PLD1: variants seen among roughly 807,000 people sequenced by gnomAD.
The protein encoded by PLD1 is phospholipase D1.
Under a neutral mutation model 137.1 loss-of-function variants are expected in PLD1, and 112 were observed. The ratio of observed to expected loss-of-function variants is 0.82; its 90% CI spans 0.70 to 0.96. PLD1 has a LOEUF of 0.96. Among genes scored for constraint, PLD1 ranks in the 40% least tolerant of loss-of-function variants. The pLI is 0.00. For missense variants in PLD1, 1,321 were observed against 1,342.0 expected (o/e 0.98, Z 0.24); for synonymous variants, 431 against 454.7 (o/e 0.95, Z 0.66).
At chr3:171,783,133 A>G (rs1481518688) in intron 1 of PLD1, among the ~76,000 whole-genome samples, 1 of 152,146 alleles carries the variant, frequency 6.6e-6, no homozygotes, top group African/African-American at 2.4e-5. Flanking sequence ...GTTTGAGGAA[A>G]GAAACAAAGG....
chr3:171,787,196 C>T (rs1023619232), intron 1 of PLD1, among the ~76,000 whole-genome samples: 1 of 152,144 alleles, frequency 6.6e-6, no homozygotes, highest in African/African-American at 2.4e-5. Flanking sequence ...CCCTCTGTCT[C>T]TCAGGCTACA....
chr3:171,654,768 T>A lies in PLD1; in HGVS notation c.2429+4445A>T, dbSNP rs543570672. On this transcript the variant is annotated intron_variant, in intron 21 of 26. Transcript: ENST00000351298. ...GCAGCTGGCTTCAACTCTGAGACAGTTTTACTTATTAGAGTGAAGATTTGT... is the reference window on the plus strand; with the variant it reads ...GCAGCTGGCTTCAACTCTGAGACAGATTTACTTATTAGAGTGAAGATTTGT... 8.5e-5 allele frequency among the ~76,000 whole-genome samples: 13 copies of A among 152,232 alleles called. No individual in the cohort carries two copies. In the East Asian group the frequency reaches 2.5e-3, roughly 29 times the overall value.
At chr3:171,735,352 T>G (rs1209293096) in intron 4 of PLD1, 140 bp downstream of exon 4, 2 of 724,580 alleles carry the variant, frequency 2.8e-6, no homozygotes, top group Non-Finnish European at 4.9e-6. Flanking sequence ...CACAGGCTAG[T>G]CTCAAACTCA....
In PLD1 at chr3:171,676,693, CATG is replaced by C; in HGVS notation, c.2115+19_2115+21del. ...CCTGCCTCTCTTCATGTGGATAAAT[CATG>C]ATAGCAACATCCAAGTACTTTTGTG... On this transcript the variant is annotated intron_variant, in intron 18 of 26. Coordinates refer to ENST00000351298, the MANE Select transcript of PLD1 (RefSeq NM_002662.5). 1.3e-6 allele frequency: 2 copies of C among 1,573,864 alleles called. No individual in the cohort carries two copies. Among genetic ancestry groups the C allele is most frequent in the Non-Finnish European group, 1.7e-6 (2 of 1,143,580 alleles).
rs2108285963 is a variant in PLD1 at position 171,748,364 on chromosome 3, C to T, written c.-31-10282G>A. 2.6e-5 allele frequency among the ~76,000 whole-genome samples: 4 copies of T among 152,294 alleles called. No homozygotes were observed. In the Middle Eastern group the frequency reaches 0.01, roughly 389 times the overall value. On this transcript the variant is annotated intron_variant, in intron 1 of 26. Coordinates refer to ENST00000351298, the MANE Select transcript of PLD1 (RefSeq NM_002662.5). ...ACTGTGGTCAGACTTCTAAAATTAA[C>T]ATCCTTGGATGTTAAATGAATACTC... is the stretch of plus-strand genomic sequence containing the variant.
At chr3:171,738,308 A>G (rs1237845564) in intron 1 of PLD1, among the ~76,000 whole-genome samples, 1 of 152,026 alleles carries the variant, frequency 6.6e-6, no homozygotes, top group African/African-American at 2.4e-5. Context: ...CAAGAGAAAA[A>G]AAAAAGAAAA....
chr3:171,658,647 A>T (rs1327282899), intron 21 of PLD1, among the ~76,000 whole-genome samples: 4 of 152,236 alleles, frequency 2.6e-5, no homozygotes, highest in Non-Finnish European at 5.9e-5. Flanking sequence ...GGCTAAAAAT[A>T]GAAGGAATGG....
At chr3:171,723,567 G>A (rs959614433) in intron 8 of PLD1, among the ~76,000 whole-genome samples, 1 of 152,042 alleles carries the variant, frequency 6.6e-6, no homozygotes, top group African/African-American at 2.4e-5. Flanking sequence ...CGTAGTCGTC[G>A]TACTAATTTA....
chr3:171,620,099 G>C (rs1003850782), intron 24 of PLD1, among the ~76,000 whole-genome samples: 1 of 152,180 alleles, frequency 6.6e-6, no homozygotes, highest in African/African-American at 2.4e-5. Context: ...AATGCTTGAA[G>C]TGATAGGTAC....
chr3:171,739,931 A>G (rs1044496726), intron 1 of PLD1, among the ~76,000 whole-genome samples: 1 of 152,284 alleles, frequency 6.6e-6, no homozygotes, highest in African/African-American at 2.4e-5. Flanking sequence ...TAATATAAAT[A>G]AGTACCCTGG....
intron 1 of PLD1, among the ~76,000 whole-genome samples, chr3:171,752,618 C>T (rs1383523084): frequency 6.6e-6 from 1 of 152,208 alleles, no homozygotes; most frequent in East Asian, 1.9e-4. Flanking sequence ...ACTTCAGAGG[C>T]TTTAATATCT....
chr3:171,723,595 T>A (rs1187238895), intron 8 of PLD1, among the ~76,000 whole-genome samples: 1 of 152,196 alleles, frequency 6.6e-6, no homozygotes, highest in East Asian at 1.9e-4. Context: ...ATCAACAGTG[T>A]ATGAGGGTTC....
intron 18 of PLD1, 75 bp downstream of exon 18, chr3:171,676,640 C>G: frequency 1.8e-6 from 2 of 1,096,948 alleles, no homozygotes; most frequent in Non-Finnish European, 2.8e-6. Context: ...TTGCTACCAG[C>G]CTCCTCTAAA....
chr3:171,729,293 C>T (rs909236578), intron 6 of PLD1, among the ~76,000 whole-genome samples: 1 of 152,070 alleles, frequency 6.6e-6, no homozygotes, highest in African/African-American at 2.4e-5. Flanking sequence ...GTTCTTGGCA[C>T]TAGGTGGAAA....
At chr3:171,791,354 A>C (rs2108350973) in intron 1 of PLD1, among the ~76,000 whole-genome samples, 1 of 152,218 alleles carries the variant, frequency 6.6e-6, no homozygotes, top group Non-Finnish European at 1.5e-5. Context: ...CCGAATGCAA[A>C]CCACATGGTC....
chr3:171,669,200 G>T (rs1441575686), intron 19 of PLD1, among the ~76,000 whole-genome samples: 1 of 152,122 alleles, frequency 6.6e-6, no homozygotes, highest in Non-Finnish European at 1.5e-5. Context: ...CCAGTGGCGT[G>T]TGACCAATGT....
intron 23 of PLD1, among the ~76,000 whole-genome samples, chr3:171,629,355 A>G (rs1433230377): frequency 6.6e-6 from 1 of 152,136 alleles, no homozygotes; most frequent in Non-Finnish European, 1.5e-5. Flanking sequence ...GCTCAATGAA[A>G]TAAAAGAGGA....
intron 19 of PLD1, among the ~76,000 whole-genome samples, chr3:171,667,619 G>A (rs1485008772): frequency 2.0e-5 from 3 of 152,202 alleles, no homozygotes; most frequent in African/African-American, 4.8e-5. Context: ...GATACCCAAA[G>A]GCAAACAGGA....
chr3:171,624,341 T>C (rs998307605), intron 23 of PLD1, among the ~76,000 whole-genome samples: 9 of 152,102 alleles, frequency 5.9e-5, no homozygotes, highest in African/African-American at 2.2e-4. Flanking sequence ...ATCTATAAGA[T>C]TGGCAAAAAA....
Sources: allele counts gnomAD v4.1 joint callset (sites outside exome capture counted in the v4.1 genomes callset), GRCh38; gene constraint gnomAD v4.1.1; transcripts MANE v1.5; gene names NCBI Gene and HGNC (gene_info 2026-07-23, HGNC 2026-07-21).